ASTN1: variants seen among roughly 807,000 people sequenced by gnomAD.
ASTN1 encodes the protein astrotactin 1.
In ASTN1, 41 loss-of-function variants were observed where a neutral mutation model predicts 140.7. The observed-to-expected ratio is 0.29, with a 90% CI of 0.23 to 0.38. ASTN1 has a LOEUF of 0.38. Ranked by LOEUF, ASTN1 falls within the 10% of genes least tolerant of loss-of-function variation. ASTN1 has a pLI of 1.00. For missense variants in ASTN1, 1,479 were observed against 1,678.8 expected (o/e 0.88, Z 2.08); for synonymous variants, 640 against 652.2 (o/e 0.98, Z 0.29).
At position 176,948,305 on chromosome 1, in the gene ASTN1, G is replaced by T. The variant is rs537318250; in HGVS notation, c.2054+880C>A. 4.2e-5 allele frequency among the ~76,000 whole-genome samples: 6 copies of T among 144,068 alleles called. No homozygotes were observed. In the Middle Eastern group the frequency reaches 0.014, roughly 345 times the overall value. The allele number at this position is 144,068 out of a possible 152,430, so 94.5% of individuals were successfully genotyped here. ...AAGAGAGAGGGGAGGGGAGGGAGAG[G>T]GGGGAGAATGGAGAGTGGGGGAAGG... On this transcript the variant is annotated intron_variant, in intron 12 of 22. Transcript: ENST00000361833.
chr1:176,953,258 T>A (rs1335944606), intron 11 of ASTN1, among the ~76,000 whole-genome samples: 1 of 152,208 alleles, frequency 6.6e-6, no homozygotes, highest in Non-Finnish European at 1.5e-5. Flanking sequence ...AAGTGGGTGC[T>A]CTGTTGGGAG....
chr1:177,125,777 G>A (rs540610976), intron 1 of ASTN1, among the ~76,000 whole-genome samples: 73 of 152,212 alleles, frequency 4.8e-4, no homozygotes, highest in African/African-American at 1.6e-3. Context: ...CATAGTTGCC[G>A]ATTATGGCTC....
chr1:177,029,217 C>T (rs1006952120), intron 5 of ASTN1: 47 of 430,786 alleles, frequency 1.1e-4, no homozygotes, highest in South Asian at 8.1e-4. Flanking sequence ...ACACTGCCCC[C>T]AATCCTTGCC....
At chr1:177,132,063 T>C (rs1221412007) in intron 1 of ASTN1, among the ~76,000 whole-genome samples, 2 of 152,182 alleles carry the variant, frequency 1.3e-5, no homozygotes, top group East Asian at 1.9e-4. Flanking sequence ...GGGACAAACA[T>C]CCAAACCATA....
At chr1:177,046,889 T>C (rs1677258032) in intron 2 of ASTN1, among the ~76,000 whole-genome samples, 1 of 152,174 alleles carries the variant, frequency 6.6e-6, no homozygotes, top group African/African-American at 2.4e-5. Context: ...GTGCGCTGAC[T>C]GATCACCTGC....
intron 1 of ASTN1, among the ~76,000 whole-genome samples, chr1:177,133,042 A>G (rs770880503): frequency 9.8e-5 from 15 of 152,358 alleles, no homozygotes; most frequent in Non-Finnish European, 1.8e-4. Flanking sequence ...TTTTAAAGAT[A>G]GCCTTTAAAG....
At chr1:177,069,248 C>T (rs989634645) in intron 1 of ASTN1, among the ~76,000 whole-genome samples, 1 of 152,124 alleles carries the variant, frequency 6.6e-6, no homozygotes, top group African/African-American at 2.4e-5. Context: ...GAATTATTAA[C>T]CTTTGATCAG....
chr1:176,916,255 T>G (rs536552680), intron 16 of ASTN1, among the ~76,000 whole-genome samples: 1 of 152,206 alleles, frequency 6.6e-6, no homozygotes, highest in Non-Finnish European at 1.5e-5. Context: ...GATGAGTATG[T>G]AGGTTCCCCA....
At chr1:176,875,797 T>A (rs1318674343) in intron 21 of ASTN1, among the ~76,000 whole-genome samples, 1 of 152,186 alleles carries the variant, frequency 6.6e-6, no homozygotes, top group Non-Finnish European at 1.5e-5. Flanking sequence ...ACATTAGTGG[T>A]TGATAAGATT....
At chr1:177,154,520 G>A (rs188948837) in intron 1 of ASTN1, among the ~76,000 whole-genome samples, 69 of 152,206 alleles carry the variant, frequency 4.5e-4, no homozygotes, top group African/African-American at 1.6e-3. Context: ...ACAGTGCTAG[G>A]CTATATTTAT....
intron 16 of ASTN1, among the ~76,000 whole-genome samples, chr1:176,926,250 G>A (rs1010321775): frequency 7.3e-5 from 10 of 137,656 alleles, no homozygotes; most frequent in Non-Finnish European, 1.6e-4. Context: ...AAGATTAAAT[G>A]AAAAAGGCGA....
intron 1 of ASTN1, among the ~76,000 whole-genome samples, chr1:177,160,279 A>G (rs1252494731): frequency 6.6e-6 from 1 of 152,220 alleles, no homozygotes; most frequent in East Asian, 1.9e-4. Flanking sequence ...CACTGCTGGA[A>G]TAAGTAGAAA....
chr1:177,088,400 G>A (rs1261770157), intron 1 of ASTN1, among the ~76,000 whole-genome samples: 1 of 152,120 alleles, frequency 6.6e-6, no homozygotes, highest in East Asian at 1.9e-4. Context: ...TACTTAAGCT[G>A]GGAAATCAGG....
rs180766467 is a variant in ASTN1 at position 177,029,579 on chromosome 1, C to T, written c.1120+55G>A. Reference sequence around the variant, plus strand: ...AACCCAACACCTCTTCGCCTTCCCCCGCCTCCCTCACTCCCAGATCCTTTA... The same window carrying T: ...AACCCAACACCTCTTCGCCTTCCCCTGCCTCCCTCACTCCCAGATCCTTTA... On this transcript the variant is annotated intron_variant, in intron 5 of 22. Transcript: ENST00000361833. The T allele has an allele frequency of 2.3e-4, 358 of 1,558,868 alleles. No homozygotes were observed. In the African/African-American group the frequency reaches 3.2e-3, roughly 14 times the overall value.
intron 16 of ASTN1, among the ~76,000 whole-genome samples, chr1:176,922,551 C>A (rs1368150290): frequency 1.1e-5 from 1 of 91,082 alleles, no homozygotes; most frequent in African/African-American, 6.0e-5. Flanking sequence ...CTCCAGCCCC[C>A]ACTGCAAAAA....
intron 21 of ASTN1, among the ~76,000 whole-genome samples, chr1:176,874,203 T>C (rs1668469464): frequency 6.6e-6 from 1 of 152,118 alleles, no homozygotes; most frequent in South Asian, 2.1e-4. Context: ...GACAATGAAA[T>C]AAGGGTGTCA....
intron 16 of ASTN1, among the ~76,000 whole-genome samples, chr1:176,932,408 G>GC (rs11412625): frequency 0.029 from 4,340 of 152,180 alleles, 196 homozygotes; most frequent in African/African-American, 0.098. Flanking sequence ...CCCTTTTGCT[G>GC]CATTTTGGAA....
intron 11 of ASTN1, among the ~76,000 whole-genome samples, chr1:176,957,418 G>A (rs1283785435): frequency 6.6e-6 from 1 of 151,918 alleles, no homozygotes; most frequent in Non-Finnish European, 1.5e-5. Flanking sequence ...ATACAATTAA[G>A]CAATTATTTA....
intron 1 of ASTN1, among the ~76,000 whole-genome samples, chr1:177,075,057 T>C (rs1678821371): frequency 6.6e-6 from 1 of 152,158 alleles, no homozygotes; most frequent in East Asian, 1.9e-4. Flanking sequence ...TAATAATCTA[T>C]TAAATTCTTC....
Sources: allele counts gnomAD v4.1 joint callset (sites outside exome capture counted in the v4.1 genomes callset), GRCh38; gene constraint gnomAD v4.1.1; transcripts MANE v1.5; gene names NCBI Gene and HGNC (gene_info 2026-07-23, HGNC 2026-07-21).